ARHGEF28: variants seen among roughly 807,000 people sequenced by gnomAD.
ARHGEF28 encodes 190 kDa guanine nucleotide exchange factor.
Under a neutral mutation model 206.6 loss-of-function variants are expected in ARHGEF28, and 152 were observed. That is an observed-to-expected ratio of 0.74 (90% CI 0.64 to 0.84). The LOEUF (loss-of-function observed/expected upper bound fraction) is 0.84, where lower values mean the gene tolerates loss of function less well. Among genes scored for constraint, ARHGEF28 ranks in the 40% least tolerant of loss-of-function variants. The pLI is 0.00. For missense variants in ARHGEF28, 2,028 were observed against 2,073.2 expected, an observed-to-expected ratio of 0.98 and a Z score of 0.42; for synonymous variants, 763 against 776.4, an observed-to-expected ratio of 0.98 and a Z score of 0.29.
chr5:73,731,405 T>C (rs1307234242), intron 2 of ARHGEF28, among the ~76,000 whole-genome samples: 1 of 152,212 alleles, frequency 6.6e-6, no homozygotes, highest in African/African-American at 2.4e-5. Flanking sequence ...TGCTTGGCTA[T>C]TAAAAAATTT....
chr5:73,914,806 ACCT>A lies in ARHGEF28; in HGVS notation c.4948+3234_4948+3236del, dbSNP rs1208454130. Among the ~76,000 whole-genome samples the A allele has an allele frequency of 6.6e-5, 10 of 152,072 alleles. No individual in the cohort carries two copies. The East Asian group carries it at 1.7e-3, about 26-fold the overall frequency. ...AGTGGCGTGATTTTCAATCACTGCA[ACCT>A]CCACCTCCTGGGCTCCATCCACCTC... On this transcript the variant is annotated intron_variant, in intron 35 of 35. Transcript: ENST00000513042.
At chr5:73,631,152 T>C (rs1460682941) in intron 1 of ARHGEF28, among the ~76,000 whole-genome samples, 1 of 152,200 alleles carries the variant, frequency 6.6e-6, no homozygotes, top group East Asian at 1.9e-4. Flanking sequence ...GCTGACTGTT[T>C]AATTTTATGA....
chr5:73,700,409 A>G (rs1342532091), intron 2 of ARHGEF28, among the ~76,000 whole-genome samples: 1 of 152,234 alleles, frequency 6.6e-6, no homozygotes, highest in African/African-American at 2.4e-5. Flanking sequence ...CTGTTTTTAA[A>G]TAGAGGAAAA....
intron 2 of ARHGEF28, 115 bp from the exon 3 acceptor site, chr5:73,749,722 C>T: frequency 7.9e-6 from 9 of 1,140,168 alleles, no homozygotes; most frequent in Non-Finnish European, 1.1e-5. Context: ...TTGAACTCAA[C>T]CACATGAAGT....
chr5:73,755,145 G>A (rs1401377638), intron 4 of ARHGEF28, among the ~76,000 whole-genome samples: 1 of 151,278 alleles, frequency 6.6e-6, no homozygotes, highest in East Asian at 1.9e-4. Flanking sequence ...TAGATGACAT[G>A]TATGATCTAC....
chr5:73,842,608 G>A (rs1758054136), intron 11 of ARHGEF28, among the ~76,000 whole-genome samples: 2 of 152,182 alleles, frequency 1.3e-5, no homozygotes, highest in Admixed American at 1.3e-4. Context: ...GAGACTGCCA[G>A]TCCACACAAG....
intron 11 of ARHGEF28, among the ~76,000 whole-genome samples, chr5:73,843,470 T>G (rs756679776): frequency 5.9e-5 from 9 of 152,272 alleles, no homozygotes; most frequent in Admixed American, 2.0e-4. Flanking sequence ...GTCCCTTCCT[T>G]CAGTGGATGT....
At chr5:73,825,135 A>T (rs1008118158) in intron 9 of ARHGEF28, among the ~76,000 whole-genome samples, 1 of 152,216 alleles carries the variant, frequency 6.6e-6, no homozygotes, top group East Asian at 1.9e-4. Flanking sequence ...CTCATGGAGC[A>T]TATGTTTTAT....
In ARHGEF28 at chr5:73,801,598, C is replaced by T. The variant is rs188699247; in HGVS notation, c.1024+6207C>T. Among the ~76,000 whole-genome samples, 478 of 152,132 alleles carry T rather than the reference C, an allele frequency of 3.1e-3. 6 individuals are homozygous for T. The highest frequency in any genetic ancestry group is 0.011 in the African/African-American group (455 of 41,474). ...CTAGACTGAAACCGCAAGAATGTTT[C>T]GTGAAACATGGGAGGGGGGGACCTT... On this transcript the variant is annotated intron_variant, in intron 9 of 35. Coordinates refer to ENST00000513042, the MANE Select transcript of ARHGEF28 (RefSeq NM_001177693.2).
intron 7 of ARHGEF28, among the ~76,000 whole-genome samples, chr5:73,793,470 C>T (rs895101358): frequency 4.6e-5 from 7 of 152,122 alleles, no homozygotes; most frequent in East Asian, 1.9e-4. Context: ...AGTGACAAAA[C>T]GGAATAGGGA....
chr5:73,688,667 CT>C (rs1367666091), intron 2 of ARHGEF28, among the ~76,000 whole-genome samples: 1 of 151,622 alleles, frequency 6.6e-6, no homozygotes, highest in East Asian at 1.9e-4. Context: ...TTCTGGAAGG[CT>C]TTTTTTTGAG....
chr5:73,801,290 C>G (rs1183749779), intron 9 of ARHGEF28, among the ~76,000 whole-genome samples: 1 of 151,512 alleles, frequency 6.6e-6, no homozygotes, highest in Non-Finnish European at 1.5e-5. Flanking sequence ...ACTAAAACTA[C>G]AAAAAAATTA....
intron 20 of ARHGEF28, 138 bp downstream of exon 20, chr5:73,868,365 G>C (rs1580009499): frequency 1.8e-6 from 2 of 1,130,714 alleles, no homozygotes; most frequent in Admixed American, 6.6e-5. Flanking sequence ...CTTTGGTATA[G>C]GTTCTACTTT....
chr5:73,914,681 G>A (rs945197283), intron 35 of ARHGEF28, among the ~76,000 whole-genome samples: 1 of 152,028 alleles, frequency 6.6e-6, no homozygotes, highest in Non-Finnish European at 1.5e-5. Context: ...ACAGGCTTAA[G>A]GCACCACACC....
Position 73,940,879 on chromosome 5 carries a change from C to G in ARHGEF28, c.4984C>G (p.His1662Asp), listed in dbSNP as rs1482946304. 4.6e-6 allele frequency: 7 copies of G among 1,530,778 alleles called. No individual in the cohort carries two copies. The East Asian group carries it at 1.5e-4, about 32-fold the overall frequency. 94.8% of individuals were successfully genotyped at this position (1,530,778 alleles called of 1,614,324 possible). ...CTCCCACACTGAGTCCCCAACCCCC[C>G]ATGACTCAAATTCACACCGCCCTCA... ...DTSHTESPTP[H>D]DSNSHRPQLQ... Residue 1662 changes from histidine (H) to aspartate (D), a missense_variant, in exon 36 of 36, where the codon CAT (histidine) becomes GAT (aspartate). His to Asp is a moderately conservative substitution (Grantham distance 81, BLOSUM62 -1). Around this residue, in one of 3 missense-constraint regions of ARHGEF28, gnomAD observed 803 missense variants for 768.0 expected, o/e 1.05. Coordinates refer to ENST00000513042, the MANE Select transcript of ARHGEF28 (RefSeq NM_001177693.2).
intron 14 of ARHGEF28, among the ~76,000 whole-genome samples, chr5:73,857,038 C>T (rs1246785098): frequency 6.6e-6 from 1 of 152,000 alleles, no homozygotes; most frequent in Non-Finnish European, 1.5e-5. Flanking sequence ...GTACAGTTAC[C>T]TCTACCTTGC....
intron 2 of ARHGEF28, among the ~76,000 whole-genome samples, chr5:73,739,158 G>A (rs1751204265): frequency 6.6e-6 from 1 of 151,874 alleles, no homozygotes. Context: ...AGTATTATGA[G>A]GAACATTAAT....
chr5:73,803,426 C>T (rs910064655), intron 9 of ARHGEF28: 4 of 154,024 alleles, frequency 2.6e-5, no homozygotes, highest in African/African-American at 9.7e-5. Context: ...TCAGCAGGTC[C>T]TCCAGATGCC....
At chr5:73,893,156 A>C in intron 27 of ARHGEF28, 41 bp from the exon 28 acceptor site, 1 of 1,465,126 alleles carries the variant, frequency 6.8e-7, no homozygotes, top group South Asian at 1.4e-5. Context: ...AGATACTTGC[A>C]TTTGGTTTCA....
Sources: gnomAD v4.1 joint callset for allele counts (sites outside exome capture counted in the v4.1 genomes callset) on GRCh38, gnomAD v4.1.1 for gene constraint, gnomAD v4.1.1 regional missense constraint, MANE v1.5 for transcripts, NCBI Gene and HGNC (gene_info 2026-07-23, HGNC 2026-07-21) for gene names.